WDR27: variants seen among roughly 807,000 people sequenced by gnomAD.
WDR27 encodes WD repeat-containing protein 27.
WDR27 carries 100 observed loss-of-function variants against 114.4 expected under a neutral mutation model. The observed-to-expected ratio is 0.87, with a 90% CI of 0.74 to 1.03. The LOEUF (loss-of-function observed/expected upper bound fraction) is 1.03. Among genes scored for constraint, WDR27 ranks in the 50% least tolerant of loss-of-function variants. WDR27 has a pLI of 0.00. For missense variants in WDR27, 1,129 were observed against 1,092.9 expected, an observed-to-expected ratio of 1.03 and a Z score of -0.47; for synonymous variants, 449 against 423.1, an observed-to-expected ratio of 1.06 and a Z score of -0.75.
At chr6:169,675,151 G>A (rs897085010) in intron 2 of WDR27, among the ~76,000 whole-genome samples, 4 of 152,172 alleles carry the variant, frequency 2.6e-5, no homozygotes, top group African/African-American at 4.8e-5. Flanking sequence ...CAAATCCCAC[G>A]TTGAGATGTA....
At chr6:169,498,546 C>G (rs1790698036) in intron 25 of WDR27, among the ~76,000 whole-genome samples, 1 of 152,064 alleles carries the variant, frequency 6.6e-6, no homozygotes, top group Non-Finnish European at 1.5e-5. Context: ...AGGAGAAAAT[C>G]TTCAGGATCT....
rs762521318 is a variant in WDR27 at position 169,672,399 on chromosome 6, G to A, written c.190-3C>T. On this transcript the variant is annotated splice_polypyrimidine_tract_variant and splice_region_variant and intron_variant, in intron 2 of 25. Transcript: ENST00000448612. ...TGGTGTCCTCGTAGGATTAGAAGCT[G>A]GGAAAATTAACAAAAATAAAACACA... is the stretch of plus-strand genomic sequence containing the variant. 2 of 1,580,674 alleles carry A rather than the reference G, an allele frequency of 1.3e-6. No homozygotes were observed. Among genetic ancestry groups the A allele is most frequent in the South Asian group, 2.4e-5 (2 of 85,020 alleles).
intron 25 of WDR27, among the ~76,000 whole-genome samples, chr6:169,521,710 G>A (rs1460902531): frequency 6.6e-6 from 1 of 151,760 alleles, no homozygotes; most frequent in Non-Finnish European, 1.5e-5. Context: ...TTTTTTCTTT[G>A]TGATCTAAGT....
intron 24 of WDR27, among the ~76,000 whole-genome samples, chr6:169,581,484 T>A (rs566533802): frequency 1.3e-5 from 2 of 152,332 alleles, no homozygotes; most frequent in South Asian, 4.1e-4. Flanking sequence ...GGCACAAATA[T>A]TATCAAGAAA....
At chr6:169,528,579 T>A (rs1187542399) in intron 25 of WDR27, among the ~76,000 whole-genome samples, 1 of 152,216 alleles carries the variant, frequency 6.6e-6, no homozygotes, top group African/African-American at 2.4e-5. Context: ...CAGGCTGGAG[T>A]GCAGTGGCAC....
chr6:169,585,824 G>A (rs774852630), intron 23 of WDR27, among the ~76,000 whole-genome samples: 1 of 152,136 alleles, frequency 6.6e-6, no homozygotes, highest in Admixed American at 6.5e-5. Flanking sequence ...GGCAGAAGAG[G>A]TGGAGGAGGT....
the WDR27 span, among the ~76,000 whole-genome samples, chr6:169,438,235 T>A: frequency 9.0e-6 from 1 of 110,526 alleles, no homozygotes. Flanking sequence ...TTTTACTTTT[T>A]CTTTTTTTTT....
intron 23 of WDR27, among the ~76,000 whole-genome samples, chr6:169,592,591 A>C (rs2128156654): frequency 6.6e-6 from 1 of 152,282 alleles, no homozygotes; most frequent in African/African-American, 2.4e-5. Context: ...TTGGCCACTA[A>C]TTATCTTGGG....
At chr6:169,687,187 T>C (rs537237757) in intron 2 of WDR27, among the ~76,000 whole-genome samples, 106 of 152,264 alleles carry the variant, frequency 7.0e-4, no homozygotes, top group South Asian at 3.7e-3. Context: ...GTGATGGCCA[T>C]CCCAATTATC....
intron 25 of WDR27, among the ~76,000 whole-genome samples, chr6:169,529,150 A>G (rs1250612326): frequency 6.6e-6 from 1 of 152,216 alleles, no homozygotes; most frequent in Non-Finnish European, 1.5e-5. Flanking sequence ...TGCAACCATC[A>G]TAACTAAGGA....
chr6:169,556,589 C>T (rs913004908), intron 25 of WDR27, among the ~76,000 whole-genome samples: 2 of 152,114 alleles, frequency 1.3e-5, no homozygotes, highest in African/African-American at 2.4e-5. Flanking sequence ...CCACAGAAAG[C>T]ATTAAGCAAA....
intron 13 of WDR27, among the ~76,000 whole-genome samples, chr6:169,656,635 A>G (rs751946783): frequency 1.2e-4 from 18 of 151,992 alleles, no homozygotes; most frequent in Admixed American, 6.6e-5. Context: ...GGAAGGAGCC[A>G]AGAAGGCCCA....
chr6:169,457,844 T>C (rs1328178164), intron 25 of WDR27, among the ~76,000 whole-genome samples: 2 of 152,188 alleles, frequency 1.3e-5, no homozygotes, highest in African/African-American at 4.8e-5. Flanking sequence ...GCTGTTTTAA[T>C]AATTTTAGGT....
the WDR27 span, among the ~76,000 whole-genome samples, chr6:169,430,825 C>T: frequency 2.0e-5 from 3 of 152,108 alleles, no homozygotes; most frequent in Admixed American, 1.3e-4. Context: ...CAGTTTTTCC[C>T]GGTGGGGAGG....
At chr6:169,698,483 T>C (rs973931671) in intron 1 of WDR27, among the ~76,000 whole-genome samples, 1 of 152,170 alleles carries the variant, frequency 6.6e-6, no homozygotes, top group South Asian at 2.1e-4. Context: ...GTGCAACCTA[T>C]CCTCCCATTG....
intron 25 of WDR27, among the ~76,000 whole-genome samples, chr6:169,465,780 A>G (rs1785501376): frequency 6.6e-6 from 1 of 152,256 alleles, no homozygotes; most frequent in South Asian, 2.1e-4. Context: ...AAAGTGAAAT[A>G]AAGCAGTCAC....
At chr6:169,661,581 T>C (rs567869748) in intron 9 of WDR27, among the ~76,000 whole-genome samples, 84 of 152,342 alleles carry the variant, frequency 5.5e-4, no homozygotes, top group African/African-American at 2.0e-3. Flanking sequence ...ATGGGTCATG[T>C]GGCTCTGGCT....
chr6:169,601,653 T>C (rs895311640), intron 23 of WDR27, among the ~76,000 whole-genome samples: 46 of 152,094 alleles, frequency 3.0e-4, no homozygotes, highest in African/African-American at 1.1e-3. Flanking sequence ...TTGGGGCGAA[T>C]GGGAAAAGGG....
chr6:169,586,369 T>A (rs1804559535), intron 23 of WDR27, among the ~76,000 whole-genome samples: 1 of 152,152 alleles, frequency 6.6e-6, no homozygotes, highest in Non-Finnish European at 1.5e-5. Flanking sequence ...CTTTCCAGAT[T>A]TTCATGATGC....
Sources: gnomAD v4.1 joint callset for allele counts (sites outside exome capture counted in the v4.1 genomes callset) on GRCh38, gnomAD v4.1.1 for gene constraint, MANE v1.5 for transcripts, NCBI Gene and HGNC (gene_info 2026-07-23, HGNC 2026-07-21) for gene names.